The following MB variants were observed in gnomAD, a reference collection of about 807,000 sequenced individuals.
MB encodes the protein myoglobin, also known as nitrite reductase MB.
MB carries 10 observed loss-of-function variants against 14.5 expected under a neutral mutation model. That is an observed-to-expected ratio of 0.69 (90% CI 0.43 to 1.17). The LOEUF is 1.17. Ranked by LOEUF, MB falls within the 50% of genes most tolerant of loss-of-function variation. The pLI, the probability that MB is intolerant of heterozygous loss-of-function variation, is 0.00. For synonymous variants in MB, 89 were observed against 78.6 expected (o/e 1.13, Z -0.70); for missense variants, 169 against 192.7 (o/e 0.88, Z 0.73).
At chr22:35,620,620 C>G (rs1391223285), upstream of MB, among the ~76,000 whole-genome samples, 1 of 152,192 alleles carries the variant, frequency 6.6e-6, no homozygotes, top group African/African-American at 2.4e-5. Context: ...CACATCTGAC[C>G]TGGGGCCCCC....
chr22:35,621,995 G>A (rs1204840113), upstream of MB: 1 of 152,246 alleles, frequency 6.6e-6, no homozygotes, highest in Non-Finnish European at 1.5e-5. Flanking sequence ...TCAGGCAGCT[G>A]TGCACCTGGC....
chr22:35,614,903 T>G (rs948487560), intron 1 of MB, among the ~76,000 whole-genome samples: 2 of 151,426 alleles, frequency 1.3e-5, no homozygotes, highest in African/African-American at 2.4e-5. Flanking sequence ...AATCCTTTGT[T>G]CCCCCCGCTC....
At chr22:35,619,283 A>G (rs1923313158), upstream of MB, among the ~76,000 whole-genome samples, 1 of 152,238 alleles carries the variant, frequency 6.6e-6, no homozygotes, top group Non-Finnish European at 1.5e-5. Flanking sequence ...GCATAAGACT[A>G]TACAGTTTAC....
In MB at chr22:35,617,242, C is replaced by T. The variant is rs143416423; in HGVS notation, c.16G>A (p.Gly6Arg). 5.5e-5 allele frequency: 89 copies of T among 1,614,112 alleles called. No homozygotes were observed. Among genetic ancestry groups the T allele is most frequent in the South Asian group, 1.5e-4 (14 of 91,074 alleles). MGLSD[G>R]EWQLVLNVWG... is the part of the protein sequence containing the mutation. ...ACGTTCAGCACCAACTGCCATTCCC[C>T]GTCGCTGAGCCCCATGGCGCAGTCT... is the stretch of plus-strand genomic sequence containing the variant. Residue 6 changes from glycine to arginine, a missense_variant, in exon 1 of 3, where the codon GGG becomes AGG. Gly to Arg is a moderately radical substitution (Grantham distance 125). Transcript: ENST00000397326.
At chr22:35,621,515 A>G (rs1923458937), upstream of MB, among the ~76,000 whole-genome samples, 1 of 152,226 alleles carries the variant, frequency 6.6e-6, no homozygotes, top group Non-Finnish European at 1.5e-5. Context: ...GGGCCATAGT[A>G]TCTTGTGACT....
In MB at chr22:35,607,341, TC is replaced by T; in HGVS notation, c.420del (p.Lys141ArgfsTer35). On this transcript the variant is annotated frameshift_variant, in exon 3 of 3. Coordinates refer to ENST00000397326, the MANE Select transcript of MB (RefSeq NM_005368.3). LOFTEE classifies it high-confidence loss of function. ...TCCTTGTAGTTGGAGGCCATGTCCT[TC>T]CGGAACAGCTCCAGGGCCTTGTTCA... is the stretch of plus-strand genomic sequence containing the variant. ...GAMNKALELF[R>X]KDMASNYKEL... 1 of 1,614,088 alleles carries T rather than the reference TC, an allele frequency of 6.2e-7. No individual in the cohort carries two copies. The highest frequency in any genetic ancestry group is 8.5e-7 in the Non-Finnish European group (1 of 1,179,938).
intron 1 of MB, among the ~76,000 whole-genome samples, chr22:35,613,855 A>G (rs1922847999): frequency 6.6e-6 from 1 of 152,184 alleles, no homozygotes; most frequent in South Asian, 2.1e-4. Context: ...CCGCAAGATC[A>G]TTCCGGCACC....
chr22:35,617,389 C>G (rs548098541), upstream of MB: 7 of 640,056 alleles, frequency 1.1e-5, no homozygotes, highest in Admixed American at 1.3e-4. Flanking sequence ...AAAGATCGCT[C>G]AATGGCTCGC....
intron 1 of MB, among the ~76,000 whole-genome samples, chr22:35,616,309 C>T (rs184947883): frequency 3.0e-4 from 45 of 152,258 alleles, no homozygotes; most frequent in African/African-American, 9.9e-4. Context: ...CACAGCCACC[C>T]TCTATTTACA....
In MB at chr22:35,608,382, C is replaced by T. The variant is rs902404509; in HGVS notation, c.319-939G>A. ...TGCGCCCAGGAGGCTGTGGGCAGGCCACTGCCAGAGCTGGGAACGGAGGCA... is the reference window on the plus strand; with the variant it reads ...TGCGCCCAGGAGGCTGTGGGCAGGCTACTGCCAGAGCTGGGAACGGAGGCA... On this transcript the variant is annotated intron_variant, in intron 2 of 2. Coordinates refer to ENST00000397326, the MANE Select transcript of MB (RefSeq NM_005368.3). This position sits in a 1 kb window ranked among gnomAD's most constrained non-coding sequence, Gnocchi z 4.3. Among the ~76,000 whole-genome samples, 2 of 152,198 alleles carry T rather than the reference C, an allele frequency of 1.3e-5. No homozygotes were observed. The highest frequency in any genetic ancestry group is 4.8e-5 in the African/African-American group (2 of 41,446).
chr22:35,617,850 A>C (rs1267141969), upstream of MB, among the ~76,000 whole-genome samples: 1 of 152,212 alleles, frequency 6.6e-6, no homozygotes, highest in Admixed American at 6.5e-5. Flanking sequence ...AGGTGGTCCC[A>C]GGCAAGTCCA....
At chr22:35,610,485 C>A (rs1922523322) in intron 2 of MB, among the ~76,000 whole-genome samples, 1 of 152,148 alleles carries the variant, frequency 6.6e-6, no homozygotes, top group Non-Finnish European at 1.5e-5. Context: ...GCGTTTGAAT[C>A]TTGGCTCTGC....
upstream of MB, among the ~76,000 whole-genome samples, chr22:35,621,213 A>G (rs531884544): frequency 6.6e-6 from 1 of 152,280 alleles, no homozygotes; most frequent in East Asian, 1.9e-4. Flanking sequence ...CGCTCATGCT[A>G]CACACACGCA....
At chr22:35,617,341 G>A, upstream of MB, 5 of 1,076,490 alleles carry the variant, frequency 4.6e-6, no homozygotes, top group Non-Finnish European at 7.1e-6. Flanking sequence ...AGGCTGCCTG[G>A]TCCCAAGGGC....
At chr22:35,613,846 C>T (rs1055059764) in intron 1 of MB, among the ~76,000 whole-genome samples, 2 of 152,304 alleles carry the variant, frequency 1.3e-5, no homozygotes, top group East Asian at 1.9e-4. Flanking sequence ...TTTGTCTCCC[C>T]GCAAGATCAT....
chr22:35,608,964 G>T lies in MB; in HGVS notation c.319-1521C>A, dbSNP rs551279895. Among the ~76,000 whole-genome samples, 1 of 152,320 alleles carries T rather than the reference G, an allele frequency of 6.6e-6. No homozygotes were observed. The highest frequency in any genetic ancestry group is 2.1e-4 in the South Asian group (1 of 4,824). On this transcript the variant is annotated intron_variant, in intron 2 of 2. Transcript: ENST00000397326. This position sits in a 1 kb window ranked among gnomAD's most constrained non-coding sequence, Gnocchi z 4.3. ...CAGAGCGAAGGTCCACCGTGAGGGG[G>T]AAAAGCAGACATCTGGGCTCTGTCT... is the stretch of plus-strand genomic sequence containing the variant.
chr22:35,607,554 C>T, intron 2 of MB, 111 bp from the exon 3 acceptor site: 1 of 1,025,146 alleles, frequency 9.8e-7, no homozygotes, highest in Admixed American at 2.4e-5. Context: ...GTGTATTGAG[C>T]ACTTGCTAGG....
rs1922333067 is a variant in MB, at chr22:35,608,640, G to A, written c.319-1197C>T. Reference sequence around the variant, plus strand: ...ATGAATGCCACAAAACAAAGTGGGGGCTCAGGGTGTCATGGAGCAAGCCCT... The same window carrying A: ...ATGAATGCCACAAAACAAAGTGGGGACTCAGGGTGTCATGGAGCAAGCCCT... On this transcript the variant is annotated intron_variant, in intron 2 of 2. Coordinates refer to ENST00000397326, the MANE Select transcript of MB (RefSeq NM_005368.3). The surrounding 1 kb of genome is among the most constrained non-coding windows in gnomAD (Gnocchi z 4.3). Among the ~76,000 whole-genome samples the A allele has an allele frequency of 6.6e-6, 1 of 152,202 alleles. No homozygotes were observed. The highest frequency in any genetic ancestry group is 1.5e-5 in the Non-Finnish European group (1 of 68,040).
rs183493511 is a variant in MB at position 35,608,164 on chromosome 22, C to T, written c.319-721G>A. On this transcript the variant is annotated intron_variant, in intron 2 of 2. Coordinates refer to ENST00000397326, the MANE Select transcript of MB (RefSeq NM_005368.3). This position sits in a 1 kb window ranked among gnomAD's most constrained non-coding sequence, Gnocchi z 4.3. Reference sequence around the variant, plus strand: ...GATAACAGAGATGGGCATGGGAAAACGGAGATGTAGCATGGTGCTGCTTTA... The same window carrying T: ...GATAACAGAGATGGGCATGGGAAAATGGAGATGTAGCATGGTGCTGCTTTA... Among the ~76,000 whole-genome samples, 4 of 152,236 alleles carry T rather than the reference C, an allele frequency of 2.6e-5. No homozygotes were observed. In the East Asian group the frequency reaches 5.8e-4, roughly 22 times the overall value.
Sources: gnomAD v4.1 joint callset for allele counts (sites outside exome capture counted in the v4.1 genomes callset) on GRCh38, gnomAD v4.1.1 for gene constraint, Gnocchi (gnomAD v3.1) non-coding constraint, MANE v1.5 for transcripts, NCBI Gene and HGNC (gene_info 2026-07-23, HGNC 2026-07-21) for gene names.